The following ADARB2 variants were observed in gnomAD, a reference collection of about 807,000 sequenced individuals.
ADARB2 encodes adenosine deaminase RNA specific B2 (inactive), also known as inactive double-stranded RNA-specific editase B2.
In ADARB2, 25 loss-of-function variants were observed where a neutral mutation model predicts 62.2. The observed-to-expected ratio is 0.40, with a 90% confidence interval of 0.29 to 0.56. The LOEUF (loss-of-function observed/expected upper bound fraction) is 0.56. Ranked by LOEUF, ADARB2 falls within the 20% of genes least tolerant of loss-of-function variation. ADARB2 has a pLI of 0.43. For missense variants in ADARB2, 1,071 were observed against 1,077.4 expected, an observed-to-expected ratio of 0.99 and a Z score of 0.08; for synonymous variants, 572 against 500.8, an observed-to-expected ratio of 1.14 and a Z score of -1.90.
chr10:1,451,765 C>T (rs1394142371), intron 1 of ADARB2, among the ~76,000 whole-genome samples: 2 of 152,098 alleles, frequency 1.3e-5, no homozygotes, highest in African/African-American at 4.8e-5. Context: ...AGGAAGTACA[C>T]CCATATGAGG....
At chr10:1,641,658 G>A (rs1588335089) in intron 1 of ADARB2, among the ~76,000 whole-genome samples, 2 of 152,320 alleles carry the variant, frequency 1.3e-5, no homozygotes, top group African/African-American at 4.8e-5. Flanking sequence ...ACCAGCATCT[G>A]CTAGCGTTCT....
chr10:1,674,185 C>T (rs1470972943), intron 1 of ADARB2, among the ~76,000 whole-genome samples: 1 of 152,180 alleles, frequency 6.6e-6, no homozygotes, highest in Non-Finnish European at 1.5e-5. Context: ...TGCACCTTCT[C>T]TACTTCAGAA....
chr10:1,204,587 C>T (rs565251722), intron 7 of ADARB2, among the ~76,000 whole-genome samples: 77 of 152,344 alleles, frequency 5.1e-4, no homozygotes, highest in African/African-American at 1.6e-3. Flanking sequence ...CACCTTCTGT[C>T]GCGTGGACGC....
At chr10:1,666,321 C>G (rs569840721) in intron 1 of ADARB2, among the ~76,000 whole-genome samples, 1 of 152,382 alleles carries the variant, frequency 6.6e-6, no homozygotes, top group African/African-American at 2.4e-5. Context: ...GGGCGAGCAT[C>G]TGAATCCACA....
intron 1 of ADARB2, among the ~76,000 whole-genome samples, chr10:1,455,563 T>C (rs79576025): frequency 0.059 from 9,048 of 152,280 alleles, 361 homozygotes; most frequent in South Asian, 0.13. Context: ...GTTGGAGGTA[T>C]TGCTGTTTCT....
In ADARB2 at chr10:1,725,564, G is replaced by GC. The variant is rs569448959; in HGVS notation, c.100+11486dup. On this transcript the variant is annotated intron_variant, in intron 1 of 9. Transcript: ENST00000381312. ...CGTCCAGGACCCTGAAGCAGGGAAAGCCCCCCACCACCCAGAAGAGACGCC... is the reference window on the plus strand; with the variant it reads ...CGTCCAGGACCCTGAAGCAGGGAAAGCCCCCCCACCACCCAGAAGAGACGCC... Among the ~76,000 whole-genome samples, 154 of 152,016 alleles carry GC rather than the reference G, an allele frequency of 1.0e-3. 3 individuals carry two copies. The South Asian group carries it at 0.013, about 13-fold the overall frequency.
chr10:1,495,796 C>T (rs1395286273), intron 1 of ADARB2, among the ~76,000 whole-genome samples: 1 of 151,914 alleles, frequency 6.6e-6, no homozygotes, highest in Non-Finnish European at 1.5e-5. Context: ...GTATAAACAT[C>T]ATCACCATCA....
At chr10:1,687,675 G>A (rs1396457970) in intron 1 of ADARB2, among the ~76,000 whole-genome samples, 2 of 151,882 alleles carry the variant, frequency 1.3e-5, no homozygotes, top group Non-Finnish European at 2.9e-5. Flanking sequence ...AAAAATTGAG[G>A]ACAAGGATTT....
At chr10:1,543,426 A>AT (rs1247529464) in intron 1 of ADARB2, among the ~76,000 whole-genome samples, 5 of 152,180 alleles carry the variant, frequency 3.3e-5, no homozygotes, top group Non-Finnish European at 7.3e-5. Context: ...TCAGTATTCC[A>AT]TTTTTGATAG....
At chr10:1,724,991 C>T (rs1486033612) in intron 1 of ADARB2, among the ~76,000 whole-genome samples, 2 of 152,172 alleles carry the variant, frequency 1.3e-5, no homozygotes, top group Non-Finnish European at 2.9e-5. Context: ...GATAAGGGCT[C>T]AGTAAATATT....
chr10:1,488,713 A>T (rs1831583419), intron 1 of ADARB2, among the ~76,000 whole-genome samples: 1 of 152,192 alleles, frequency 6.6e-6, no homozygotes, highest in Non-Finnish European at 1.5e-5. Context: ...ATCTCCCTGC[A>T]TGCATGTCTT....
chr10:1,393,667 G>T (rs1832588447), intron 1 of ADARB2, among the ~76,000 whole-genome samples: 1 of 152,138 alleles, frequency 6.6e-6, no homozygotes, highest in Admixed American at 6.5e-5. Context: ...GACCACCCAG[G>T]CCACGCGTTA....
At chr10:1,729,753 T>C (rs866814426) in intron 1 of ADARB2, among the ~76,000 whole-genome samples, 1 of 152,180 alleles carries the variant, frequency 6.6e-6, no homozygotes, top group South Asian at 2.1e-4. Flanking sequence ...TTTTTAGCCA[T>C]AAGAAGAGAT....
intron 3 of ADARB2, among the ~76,000 whole-genome samples, chr10:1,279,767 G>T: frequency 6.6e-6 from 1 of 152,170 alleles, no homozygotes; most frequent in African/African-American, 2.4e-5. Context: ...CTTGGAAAGG[G>T]ACGTCTACTC....
chr10:1,472,964 T>C (rs1013765997), intron 1 of ADARB2, among the ~76,000 whole-genome samples: 5 of 139,512 alleles, frequency 3.6e-5, no homozygotes, highest in Non-Finnish European at 7.6e-5. Flanking sequence ...ATAGAAATGC[T>C]TGGGACTGGT....
chr10:1,327,967 TCAGCGCCTCCTCA>T (rs66900678), intron 3 of ADARB2, among the ~76,000 whole-genome samples: 30,182 of 136,980 alleles, frequency 0.22, 1,279 homozygotes, highest in Non-Finnish European at 0.24. Flanking sequence ...TCACCAGTAC[TCAGCGCCTCCTCA>T]CAGCGCCTCC....
chr10:1,730,443 C>T (rs1293815906), intron 1 of ADARB2, among the ~76,000 whole-genome samples: 1 of 152,188 alleles, frequency 6.6e-6, no homozygotes, highest in Non-Finnish European at 1.5e-5. Flanking sequence ...TGCATCAGAA[C>T]TGAATTAGCT....
chr10:1,280,860 A>G (rs1382394437), intron 3 of ADARB2, among the ~76,000 whole-genome samples: 1 of 152,088 alleles, frequency 6.6e-6, no homozygotes, highest in East Asian at 1.9e-4. Flanking sequence ...CCCTCCCTAC[A>G]AGCTGGATTC....
At chr10:1,399,628 C>T (rs528313894) in intron 1 of ADARB2, among the ~76,000 whole-genome samples, 2 of 152,208 alleles carry the variant, frequency 1.3e-5, no homozygotes, top group South Asian at 2.1e-4. Context: ...CTGTGGGGGT[C>T]GTCCTGCTGT....
Sources: gnomAD v4.1 joint callset for allele counts (sites outside exome capture counted in the v4.1 genomes callset) on GRCh38, gnomAD v4.1.1 for gene constraint, MANE v1.5 for transcripts, NCBI Gene and HGNC (gene_info 2026-07-23, HGNC 2026-07-21) for gene names.